Variants in TOX observed in about 807,000 individuals in gnomAD.
TOX encodes the protein thymocyte selection associated high mobility group box.
A neutral mutation model predicts 53.7 loss-of-function variants in TOX; 11 were observed. The observed-to-expected ratio is 0.20, with a 90% confidence interval of 0.13 to 0.34. The LOEUF is 0.34. TOX is among the 10% of genes least tolerant of loss of function. The probability of loss-of-function intolerance (pLI) is 1.00; values close to 1 mark genes in which losing one functional copy is unlikely to be tolerated. For missense variants in TOX, 570 were observed against 664.6 expected (o/e 0.86, Z 1.56); for synonymous variants, 225 against 245.3 (o/e 0.92, Z 0.77).
rs140413747 is a variant in TOX, at chr8:59,075,863, G to C, written c.102+43023C>G. 5.9e-3 allele frequency among the ~76,000 whole-genome samples: 894 copies of C among 152,226 alleles called. 40 individuals are homozygous for C. The highest frequency in any genetic ancestry group is 0.055 in the Admixed American group (840 of 15,290). Reference sequence around the variant, plus strand: ...TCTACTAAAAATGCAAAATTAGCCAGGCGTGGTGGTGCATGCCTGTAATCT... The same window carrying C: ...TCTACTAAAAATGCAAAATTAGCCACGCGTGGTGGTGCATGCCTGTAATCT... On this transcript the variant is annotated intron_variant, in intron 1 of 8. Coordinates refer to ENST00000361421, the MANE Select transcript of TOX (RefSeq NM_014729.3).
At chr8:59,043,227 A>ATGTG (rs1160526508) in intron 1 of TOX, among the ~76,000 whole-genome samples, 1 of 110,166 alleles carries the variant, frequency 9.1e-6, no homozygotes, top group Admixed American at 9.1e-5. Context: ...GTGTGTGTGC[A>ATGTG]TCTGTGTGTG....
intron 1 of TOX, among the ~76,000 whole-genome samples, chr8:59,002,529 T>C (rs1327261006): frequency 6.6e-6 from 1 of 151,124 alleles, no homozygotes; most frequent in Non-Finnish European, 1.5e-5. Flanking sequence ...GAGGCGGAGC[T>C]TGCAGTGAGC....
chr8:58,870,834 C>T (rs957942477), intron 3 of TOX, among the ~76,000 whole-genome samples: 1 of 151,976 alleles, frequency 6.6e-6, no homozygotes, highest in African/African-American at 2.4e-5. Flanking sequence ...TATGCTCCTA[C>T]CCCAGGCCCC....
At chr8:59,022,931 G>A (rs1814162858) in intron 1 of TOX, among the ~76,000 whole-genome samples, 1 of 152,162 alleles carries the variant, frequency 6.6e-6, no homozygotes, top group African/African-American at 2.4e-5. Context: ...ACTCCAGTGG[G>A]AGGTGAAAGG....
intron 1 of TOX, among the ~76,000 whole-genome samples, chr8:59,093,789 A>G (rs911377641): frequency 6.6e-6 from 1 of 152,222 alleles, no homozygotes; most frequent in Non-Finnish European, 1.5e-5. Flanking sequence ...TTTTCCCCTA[A>G]TAATCCAACC....
chr8:58,898,815 A>G (rs180887354), intron 3 of TOX, among the ~76,000 whole-genome samples: 1 of 152,304 alleles, frequency 6.6e-6, no homozygotes, highest in African/African-American at 2.4e-5. Context: ...ACCTTGGGAA[A>G]TCAGTTGTAT....
chr8:58,832,239 AC>A (rs1253129570), intron 5 of TOX, among the ~76,000 whole-genome samples: 1 of 149,490 alleles, frequency 6.7e-6, no homozygotes, highest in African/African-American at 2.4e-5. Context: ...CCTGAATTTT[AC>A]AAGTATGCTC....
rs1810376004 is a variant in TOX at position 58,826,922 on chromosome 8, T to C, written c.925-20A>G. ...ATAGACCTGCAACAACAGCAAAGAGTCTTAAATTAGAAAGTGCATTTGCTT... is the reference window on the plus strand; with the variant it reads ...ATAGACCTGCAACAACAGCAAAGAGCCTTAAATTAGAAAGTGCATTTGCTT... On this transcript the variant is annotated intron_variant, in intron 5 of 8. Transcript: ENST00000361421. 6.2e-7 allele frequency: 1 copy of C among 1,603,112 alleles called. No homozygotes were observed. The highest frequency in any genetic ancestry group is 1.3e-5 in the African/African-American group (1 of 74,170).
chr8:58,911,142 C>T (rs552616333), intron 3 of TOX, among the ~76,000 whole-genome samples: 168 of 152,172 alleles, frequency 1.1e-3, no homozygotes, highest in African/African-American at 3.9e-3. Context: ...TGGATGTCTT[C>T]CAAATCCCCT....
chr8:59,018,799 TA>T (rs762437971), intron 1 of TOX, among the ~76,000 whole-genome samples: 9 of 152,074 alleles, frequency 5.9e-5, no homozygotes, highest in African/African-American at 1.9e-4. Context: ...TCTTGCTGAT[TA>T]AAAAAACCCC....
chr8:58,994,009 A>T (rs770478544), intron 1 of TOX, among the ~76,000 whole-genome samples: 2 of 152,102 alleles, frequency 1.3e-5, no homozygotes, highest in African/African-American at 4.8e-5. Context: ...TTTCACCTAG[A>T]TCCACGACAT....
chr8:59,009,250 G>A (rs1052047461), intron 1 of TOX, among the ~76,000 whole-genome samples: 3 of 148,580 alleles, frequency 2.0e-5, no homozygotes, highest in Non-Finnish European at 3.0e-5. Context: ...CAAGCCTCCC[G>A]GGAGCACAGC....
chr8:59,037,688 G>C (rs1025598200), intron 1 of TOX, among the ~76,000 whole-genome samples: 1 of 151,540 alleles, frequency 6.6e-6, no homozygotes, highest in African/African-American at 2.4e-5. Flanking sequence ...TGTAATCCTA[G>C]CTACTTGGGG....
At chr8:58,915,198 C>T (rs1327224933) in intron 3 of TOX, among the ~76,000 whole-genome samples, 1 of 151,338 alleles carries the variant, frequency 6.6e-6, no homozygotes, top group Non-Finnish European at 1.5e-5. Flanking sequence ...GTGGAGCCCA[C>T]CACAGCTCAA....
intron 1 of TOX, among the ~76,000 whole-genome samples, chr8:59,058,306 G>C (rs906825713): frequency 2.1e-4 from 32 of 152,116 alleles, no homozygotes; most frequent in African/African-American, 7.7e-4. Flanking sequence ...ACTGCTTTGG[G>C]AGGAAAGAAC....
At chr8:58,879,584 A>G (rs753505385) in intron 3 of TOX, among the ~76,000 whole-genome samples, 1 of 152,222 alleles carries the variant, frequency 6.6e-6, no homozygotes, top group Non-Finnish European at 1.5e-5. Context: ...ATATGCCAAG[A>G]GCACTGAGCC....
At chr8:59,037,917 T>C (rs1271326809) in intron 1 of TOX, among the ~76,000 whole-genome samples, 1 of 152,196 alleles carries the variant, frequency 6.6e-6, no homozygotes, top group East Asian at 1.9e-4. Context: ...TCATCTATTT[T>C]GTGTTAATGT....
rs35347981 is a variant in TOX, at chr8:58,838,699, C to CTTTTTTTTTTTTTTTTTTTTTTTT, written c.694-389_694-388insAAAAAAAAAAAAAAAAAAAAAAAA. Among the ~76,000 whole-genome samples the CTTTTTTTTTTTTTTTTTTTTTTTT allele has an allele frequency of 4.4e-3, 387 of 88,844 alleles. 39 individuals carry two copies. The highest frequency in any genetic ancestry group is 6.1e-3 in the African/African-American group (102 of 16,724). The allele number at this position is 88,844 out of a possible 152,430, so 58.3% of individuals were successfully genotyped here. A position where few individuals can be genotyped will look rare whatever the true frequency, so the allele number is the denominator to read the frequency against. The stretch of plus-strand genomic sequence containing the variant: ...TTTCTTCTAAGGAAGTTATCCTTGT[C>CTTTTTTTTTTTTTTTTTTTTTTTT]TTTTTTTTTTTTTTTTTTTTTGAGA... On this transcript the variant is annotated intron_variant, in intron 4 of 8. Transcript: ENST00000361421.
At chr8:58,998,750 C>T (rs761156544) in intron 1 of TOX, among the ~76,000 whole-genome samples, 13 of 151,472 alleles carry the variant, frequency 8.6e-5, no homozygotes, top group African/African-American at 2.7e-4. Flanking sequence ...TAAATATTCA[C>T]TGCCTACAAA....
Sources: gnomAD v4.1 joint callset for allele counts (sites outside exome capture counted in the v4.1 genomes callset) on GRCh38, gnomAD v4.1.1 for gene constraint, MANE v1.5 for transcripts, NCBI Gene and HGNC (gene_info 2026-07-23, HGNC 2026-07-21) for gene names.